Variants in DNAH11 observed in about 807,000 individuals in gnomAD.
DNAH11 encodes the protein axonemal beta dynein heavy chain 11.
A neutral mutation model predicts 526.0 loss-of-function variants in DNAH11; 442 were observed. The observed-to-expected ratio is 0.84, with a 90% confidence interval of 0.78 to 0.91. The LOEUF is 0.91. Ranked by LOEUF, DNAH11 falls within the 40% of genes least tolerant of loss-of-function variation. DNAH11 has a pLI of 0.00. For synonymous variants in DNAH11, 2,461 were observed against 1,935.9 expected, an observed-to-expected ratio of 1.27 and a Z score of -7.12; for missense variants, 6,989 against 5,448.7, an observed-to-expected ratio of 1.28 and a Z score of -8.90.
At chr7:21,807,767 C>A in intron 62 of DNAH11, 116 bp from the exon 63 acceptor site, 2 of 923,418 alleles carry the variant, frequency 2.2e-6, no homozygotes, top group Non-Finnish European at 3.2e-6. Context: ...ACACTCTGTT[C>A]CTTATAGTGA....
At chr7:21,627,819 A>T (rs1435518646) in intron 25 of DNAH11, among the ~76,000 whole-genome samples, 1 of 152,178 alleles carries the variant, frequency 6.6e-6, no homozygotes, top group Non-Finnish European at 1.5e-5. Context: ...GAAAAAAGTC[A>T]TTGGTATTTT....
At chr7:21,604,769 C>T (rs1303953850) in intron 18 of DNAH11, among the ~76,000 whole-genome samples, 1 of 152,164 alleles carries the variant, frequency 6.6e-6, no homozygotes, top group African/African-American at 2.4e-5. Flanking sequence ...GACCTGAGCT[C>T]ATGGATGTAA....
intron 65 of DNAH11, among the ~76,000 whole-genome samples, chr7:21,828,497 G>C (rs1383592626): frequency 6.6e-6 from 1 of 152,006 alleles, no homozygotes; most frequent in Non-Finnish European, 1.5e-5. Context: ...TGCAGATAAA[G>C]CATTCTCACA....
intron 45 of DNAH11, among the ~76,000 whole-genome samples, chr7:21,729,945 G>A (rs1364290986): frequency 6.6e-6 from 1 of 152,190 alleles, no homozygotes; most frequent in Non-Finnish European, 1.5e-5. Flanking sequence ...CCTCACACCT[G>A]TTAGAAAGTC....
intron 44 of DNAH11, among the ~76,000 whole-genome samples, chr7:21,725,409 A>G (rs1785060207): frequency 6.6e-6 from 1 of 152,250 alleles, no homozygotes; most frequent in South Asian, 2.1e-4. Flanking sequence ...AAAATATTTT[A>G]TCATTGAAAG....
intron 57 of DNAH11, among the ~76,000 whole-genome samples, chr7:21,782,394 T>G (rs1414657528): frequency 6.6e-6 from 1 of 152,234 alleles, no homozygotes; most frequent in Admixed American, 6.5e-5. Context: ...CTTAACAGCT[T>G]ACTGAGATAT....
At chr7:21,644,823 C>G (rs1342852372) in intron 28 of DNAH11, among the ~76,000 whole-genome samples, 2 of 152,128 alleles carry the variant, frequency 1.3e-5, no homozygotes, top group Non-Finnish European at 2.9e-5. Context: ...CCTGATTCAC[C>G]TAGAGGTTCA....
At chr7:21,563,749 G>T (rs1463857038) in intron 5 of DNAH11, among the ~76,000 whole-genome samples, 2 of 152,108 alleles carry the variant, frequency 1.3e-5, no homozygotes, top group Non-Finnish European at 2.9e-5. Flanking sequence ...TAGGAAACTG[G>T]AATGAGAGAG....
intron 6 of DNAH11, among the ~76,000 whole-genome samples, chr7:21,568,157 T>TG (rs982203433): frequency 3.3e-5 from 5 of 152,138 alleles, no homozygotes; most frequent in Admixed American, 3.3e-4. Flanking sequence ...ATTGGTAAAT[T>TG]GGTTAATTGA....
At chr7:21,634,071 A>G (rs1786748103) in intron 25 of DNAH11, among the ~76,000 whole-genome samples, 1 of 152,248 alleles carries the variant, frequency 6.6e-6, no homozygotes, top group Non-Finnish European at 1.5e-5. Flanking sequence ...AGAAGAGACA[A>G]ACTATTCAGA....
intron 25 of DNAH11, among the ~76,000 whole-genome samples, chr7:21,623,932 T>C (rs1164122482): frequency 6.6e-6 from 1 of 151,626 alleles, no homozygotes; most frequent in East Asian, 1.9e-4. Flanking sequence ...AACCTGCACA[T>C]TGTGCACATG....
At chr7:21,644,478 T>C (rs189435606) in intron 28 of DNAH11, among the ~76,000 whole-genome samples, 291 of 152,304 alleles carry the variant, frequency 1.9e-3, no homozygotes, top group African/African-American at 6.6e-3. Flanking sequence ...GAATGAGTTT[T>C]AGTTAAAATG....
rs1184148963 is a variant in DNAH11, at chr7:21,600,022, G to C, written c.2903G>C (p.Gly968Ala). The C allele has an allele frequency of 1.2e-6, 2 of 1,612,176 alleles. No homozygotes were observed. Among genetic ancestry groups the C allele is most frequent in the Admixed American group, 1.7e-5 (1 of 59,898 alleles). Residue 968 changes from glycine to alanine, a missense_variant, in exon 15 of 82, where the codon GGC becomes GCC. Gly to Ala is a moderately conservative substitution (Grantham distance 60, BLOSUM62 0). Coordinates refer to ENST00000409508, the MANE Select transcript of DNAH11 (RefSeq NM_001277115.2). ...TCCCTAGACAGAGAGGCTGGGGATG[G>C]CTTCTATGATCTTGTAGAAGAAATG... ...KPSLDREAGD[G>A]FYDLVEEMLC...
intron 6 of DNAH11, among the ~76,000 whole-genome samples, chr7:21,565,493 G>C (rs1783630112): frequency 6.6e-6 from 1 of 152,186 alleles, no homozygotes; most frequent in Admixed American, 6.5e-5. Context: ...AGGAAAGCCA[G>C]ACCAAAGAAC....
At chr7:21,750,955 G>A (rs1786387016) in intron 54 of DNAH11, among the ~76,000 whole-genome samples, 1 of 152,190 alleles carries the variant, frequency 6.6e-6, no homozygotes, top group Admixed American at 6.5e-5. Context: ...AAATCATGAA[G>A]TGAGTAGTGA....
chr7:21,773,094 G>C (rs908826227), intron 55 of DNAH11, among the ~76,000 whole-genome samples: 1 of 142,300 alleles, frequency 7.0e-6, no homozygotes. Context: ...AAATGAGGGA[G>C]ATGTGACTCT....
chr7:21,644,996 A>C (rs1046455550), intron 28 of DNAH11, among the ~76,000 whole-genome samples: 1 of 152,224 alleles, frequency 6.6e-6, no homozygotes, highest in East Asian at 1.9e-4. Flanking sequence ...TTCATTTTGC[A>C]TATGTGTTGC....
chr7:21,617,791 G>A lies in DNAH11; in HGVS notation c.4254+14G>A, dbSNP rs1307630548. 6.4e-7 allele frequency: 1 copy of A among 1,569,256 alleles called. No individual in the cohort carries two copies. The highest frequency in any genetic ancestry group is 8.6e-7 in the Non-Finnish European group (1 of 1,160,024). The stretch of plus-strand genomic sequence containing the variant: ...AAAGCTATTGGGGTCAGTATCCTTG[G>A]TCTCACTAATGAACCTTTTTATGAC... On this transcript the variant is annotated intron_variant, in intron 23 of 81. Transcript: ENST00000409508.
At chr7:21,586,057 A>G (rs771091223) in intron 9 of DNAH11, among the ~76,000 whole-genome samples, 15 of 152,182 alleles carry the variant, frequency 9.9e-5, no homozygotes, top group Non-Finnish European at 1.8e-4. Context: ...AAACAATTAC[A>G]ATAATGTATA....
Sources: gnomAD v4.1 joint callset for allele counts (sites outside exome capture counted in the v4.1 genomes callset) on GRCh38, gnomAD v4.1.1 for gene constraint, MANE v1.5 for transcripts, NCBI Gene and HGNC (gene_info 2026-07-23, HGNC 2026-07-21) for gene names.